EXOC6B: variants seen among roughly 807,000 people sequenced by gnomAD.
EXOC6B encodes the protein SEC15 homolog B.
A neutral mutation model predicts 113.5 loss-of-function variants in EXOC6B; 54 were observed. The ratio of observed to expected loss-of-function variants is 0.48; its 90% confidence interval spans 0.38 to 0.60. The LOEUF (loss-of-function observed/expected upper bound fraction) is 0.60, where lower values mean the gene tolerates loss of function less well. Among genes scored for constraint, EXOC6B ranks in the 20% least tolerant of loss-of-function variants. EXOC6B has a pLI of 0.00. For synonymous variants in EXOC6B, 357 were observed against 339.0 expected, an observed-to-expected ratio of 1.05 and a Z score of -0.58; for missense variants, 797 against 977.5, an observed-to-expected ratio of 0.82 and a Z score of 2.46.
In EXOC6B at chr2:72,650,526, G is replaced by C. The variant is rs544428460; in HGVS notation, c.669+67577C>G. Among the ~76,000 whole-genome samples, 3 of 152,042 alleles carry C rather than the reference G, an allele frequency of 2.0e-5. No homozygotes were observed. The East Asian group carries it at 5.8e-4, about 29-fold the overall frequency. On this transcript the variant is annotated intron_variant, in intron 6 of 21. Coordinates refer to ENST00000272427, the MANE Select transcript of EXOC6B (RefSeq NM_015189.3). ...TGACGCAGGAGAATCACTTGAACCCGGGAGGTGGAGTGAGCCGAGATCGCG... is the reference window on the plus strand; with the variant it reads ...TGACGCAGGAGAATCACTTGAACCCCGGAGGTGGAGTGAGCCGAGATCGCG...
intron 20 of EXOC6B, among the ~76,000 whole-genome samples, chr2:72,219,330 A>G (rs1161318062): frequency 2.0e-5 from 3 of 152,144 alleles, no homozygotes; most frequent in Non-Finnish European, 4.4e-5. Context: ...GATCATTACC[A>G]GATCTGGGAC....
intron 20 of EXOC6B, among the ~76,000 whole-genome samples, chr2:72,242,896 C>T (rs1395713956): frequency 6.6e-6 from 1 of 152,054 alleles, no homozygotes. Context: ...CCACGCCTTG[C>T]TAATATTTAA....
intron 1 of EXOC6B, among the ~76,000 whole-genome samples, chr2:72,797,256 C>T (rs1559009919): frequency 6.6e-6 from 1 of 152,202 alleles, no homozygotes; most frequent in Non-Finnish European, 1.5e-5. Context: ...GCTGTTTTTA[C>T]AAAATATTCC....
At chr2:72,410,572 A>G (rs769201869) in intron 18 of EXOC6B, among the ~76,000 whole-genome samples, 1 of 152,224 alleles carries the variant, frequency 6.6e-6, no homozygotes, top group Non-Finnish European at 1.5e-5. Context: ...CAGTCTTACA[A>G]TGGTTAAATA....
At chr2:72,461,561 A>G (rs1697679359) in intron 18 of EXOC6B, 4 of 151,976 alleles carry the variant, frequency 2.6e-5, no homozygotes, top group Admixed American at 2.6e-4. Context: ...TGAATATACA[A>G]TAATTTAGTT....
chr2:72,460,414 A>G (rs1430924051), intron 18 of EXOC6B, among the ~76,000 whole-genome samples: 3 of 151,984 alleles, frequency 2.0e-5, no homozygotes, highest in Non-Finnish European at 2.9e-5. Flanking sequence ...ATCAGAGTGA[A>G]CAGGCAACCT....
intron 6 of EXOC6B, among the ~76,000 whole-genome samples, chr2:72,621,868 T>C (rs1482472440): frequency 6.6e-6 from 1 of 152,078 alleles, no homozygotes; most frequent in Non-Finnish European, 1.5e-5. Flanking sequence ...GGAAAAGCAT[T>C]GTCGGATATT....
chr2:72,268,667 G>A (rs753991630), intron 20 of EXOC6B, among the ~76,000 whole-genome samples: 1 of 152,072 alleles, frequency 6.6e-6, no homozygotes, highest in Non-Finnish European at 1.5e-5. Context: ...GGTCATGGGG[G>A]CGGATCCCTC....
At chr2:72,238,614 T>C (rs1463470218) in intron 20 of EXOC6B, among the ~76,000 whole-genome samples, 1 of 152,230 alleles carries the variant, frequency 6.6e-6, no homozygotes, top group African/African-American at 2.4e-5. Flanking sequence ...TGTGTGATGG[T>C]ATCTCTCTTG....
intron 7 of EXOC6B, among the ~76,000 whole-genome samples, chr2:72,564,205 T>C (rs994226351): frequency 6.6e-6 from 1 of 152,120 alleles, no homozygotes; most frequent in African/African-American, 2.4e-5. Context: ...AAAATAGAAA[T>C]GCATTAGTAC....
chr2:72,675,825 G>A (rs1676259041), intron 6 of EXOC6B, among the ~76,000 whole-genome samples: 1 of 151,868 alleles, frequency 6.6e-6, no homozygotes, highest in Non-Finnish European at 1.5e-5. Context: ...GGTGGGGGCG[G>A]GGGGGCGGAC....
At chr2:72,281,860 T>A (rs1457254169) in intron 20 of EXOC6B, among the ~76,000 whole-genome samples, 1 of 152,202 alleles carries the variant, frequency 6.6e-6, no homozygotes, top group South Asian at 2.1e-4. Context: ...TGAGACCACA[T>A]CTCTAAAATA....
At position 72,741,489 on chromosome 2, in the gene EXOC6B, G is replaced by A. The variant is rs769673357; in HGVS notation, c.114-20C>T. 6.9e-6 allele frequency: 11 copies of A among 1,592,016 alleles called. No homozygotes were observed. The highest frequency in any genetic ancestry group is 8.5e-6 in the Non-Finnish European group (10 of 1,171,508). On this transcript the variant is annotated intron_variant, in intron 1 of 21. Coordinates refer to ENST00000272427, the MANE Select transcript of EXOC6B (RefSeq NM_015189.3). ...ACAGACCTTTAAAAAAAAATGGCAC[G>A]AAGATTATACCATGGTTACTTCTAA... is the stretch of plus-strand genomic sequence containing the variant.
At chr2:72,392,672 G>A (rs1034286812) in intron 18 of EXOC6B, among the ~76,000 whole-genome samples, 1 of 152,174 alleles carries the variant, frequency 6.6e-6, no homozygotes, top group Non-Finnish European at 1.5e-5. Context: ...AGATAAAGTG[G>A]TATAGAGAGA....
intron 6 of EXOC6B, among the ~76,000 whole-genome samples, chr2:72,651,218 T>TA (rs1674144583): frequency 6.6e-6 from 1 of 152,224 alleles, no homozygotes; most frequent in African/African-American, 2.4e-5. Flanking sequence ...AATTCTGTGC[T>TA]AAAAATCTTA....
chr2:72,572,860 T>C (rs181535817), intron 7 of EXOC6B, among the ~76,000 whole-genome samples: 1 of 152,232 alleles, frequency 6.6e-6, no homozygotes, highest in East Asian at 1.9e-4. Flanking sequence ...TAAGGTAGAA[T>C]TTTTTTTAAG....
chr2:72,367,825 C>A (rs1401069202), intron 19 of EXOC6B, among the ~76,000 whole-genome samples: 1 of 152,072 alleles, frequency 6.6e-6, no homozygotes, highest in Non-Finnish European at 1.5e-5. Context: ...TCACTCAGAA[C>A]CCACACATGG....
At chr2:72,634,241 A>G (rs1672677756) in intron 6 of EXOC6B, among the ~76,000 whole-genome samples, 1 of 152,242 alleles carries the variant, frequency 6.6e-6, no homozygotes, top group African/African-American at 2.4e-5. Flanking sequence ...TATTTGTACA[A>G]TCCTAGTGCT....
chr2:72,737,208 A>G (rs1002789258), intron 2 of EXOC6B, among the ~76,000 whole-genome samples: 7 of 152,088 alleles, frequency 4.6e-5, no homozygotes, highest in Admixed American at 4.6e-4. Context: ...ATGATGGTAC[A>G]TGCCTGTAGT....
Sources: gnomAD v4.1 joint callset for allele counts (sites outside exome capture counted in the v4.1 genomes callset) on GRCh38, gnomAD v4.1.1 for gene constraint, MANE v1.5 for transcripts, NCBI Gene and HGNC (gene_info 2026-07-23, HGNC 2026-07-21) for gene names.